TMPRSS11D: variants seen among roughly 807,000 people sequenced by gnomAD.
The protein encoded by TMPRSS11D is transmembrane serine protease 11D, also known as transmembrane protease serine 11D.
Under a neutral mutation model 44.4 loss-of-function variants are expected in TMPRSS11D, and 32 were observed. The ratio of observed to expected loss-of-function variants is 0.72; its 90% CI spans 0.54 to 0.97. TMPRSS11D has a LOEUF of 0.97. Among genes scored for constraint, TMPRSS11D ranks in the 50% least tolerant of loss-of-function variants. The probability of loss-of-function intolerance (pLI) is 0.00; values close to 1 mark genes in which losing one functional copy is unlikely to be tolerated. For missense variants in TMPRSS11D, 446 were observed against 502.6 expected (o/e 0.89, Z 1.08); for synonymous variants, 179 against 177.9 (o/e 1.01, Z -0.05).
chr4:67,830,768 G>C (rs995474183), intron 7 of TMPRSS11D, among the ~76,000 whole-genome samples: 1 of 151,762 alleles, frequency 6.6e-6, no homozygotes, highest in Admixed American at 6.6e-5. Context: ...GTGAATTAGA[G>C]CATCATTTTG....
At chr4:67,824,950 T>A (rs1717756166) in intron 9 of TMPRSS11D, among the ~76,000 whole-genome samples, 1 of 152,150 alleles carries the variant, frequency 6.6e-6, no homozygotes, top group Non-Finnish European at 1.5e-5. Context: ...ATCAATTATG[T>A]TTAGATAATT....
At chr4:67,871,926 C>A (rs17088739) in intron 1 of TMPRSS11D, among the ~76,000 whole-genome samples, 6,962 of 152,134 alleles carry the variant, frequency 0.046, 377 homozygotes, top group African/African-American at 0.14. Flanking sequence ...GTGTTGGGAG[C>A]AATACTTTGT....
intron 2 of TMPRSS11D, among the ~76,000 whole-genome samples, chr4:67,856,665 C>T (rs1718642666): frequency 6.6e-6 from 1 of 151,798 alleles, no homozygotes; most frequent in African/African-American, 2.4e-5. Flanking sequence ...TTCTGCACAG[C>T]AAAGGAAACA....
chr4:67,831,878 T>C (rs1717953702), intron 7 of TMPRSS11D, among the ~76,000 whole-genome samples: 1 of 152,172 alleles, frequency 6.6e-6, no homozygotes, highest in Admixed American at 6.6e-5. Flanking sequence ...TTTGAAATAA[T>C]TTGGGATTTC....
intron 7 of TMPRSS11D, 71 bp downstream of exon 7, chr4:67,833,133 G>A: frequency 7.9e-7 from 1 of 1,262,494 alleles, no homozygotes; most frequent in Non-Finnish European, 1.0e-6. Context: ...TCAATCCTAG[G>A]GTAGAGGGTG....
At chr4:67,839,582 T>C (rs1467468480) in intron 4 of TMPRSS11D, among the ~76,000 whole-genome samples, 2 of 152,000 alleles carry the variant, frequency 1.3e-5, no homozygotes, top group African/African-American at 4.8e-5. Context: ...AAATAGGAAG[T>C]TGAACTTGAG....
At chr4:67,853,299 G>A (rs1343185855) in intron 3 of TMPRSS11D, among the ~76,000 whole-genome samples, 1 of 152,130 alleles carries the variant, frequency 6.6e-6, no homozygotes, top group Admixed American at 6.6e-5. Context: ...AGCACCAAGG[G>A]ATTAAAAGCC....
chr4:67,878,869 T>C (rs1719255692), intron 1 of TMPRSS11D, among the ~76,000 whole-genome samples: 2 of 152,038 alleles, frequency 1.3e-5, no homozygotes, highest in South Asian at 4.2e-4. Flanking sequence ...GAGGTCGCAG[T>C]GAGCCGAGAT....
intron 1 of TMPRSS11D, among the ~76,000 whole-genome samples, chr4:67,872,890 T>G (rs1016334512): frequency 2.0e-5 from 3 of 152,222 alleles, no homozygotes; most frequent in Non-Finnish European, 4.4e-5. Context: ...GATTTACTTC[T>G]TATACAATTT....
chr4:67,863,986 A>G (rs1390082740), intron 1 of TMPRSS11D, among the ~76,000 whole-genome samples: 2 of 152,030 alleles, frequency 1.3e-5, no homozygotes, highest in Non-Finnish European at 2.9e-5. Context: ...CAGTTATTGT[A>G]CAGTATATGT....
At chr4:67,829,611 A>G (rs1717895496) in intron 7 of TMPRSS11D, among the ~76,000 whole-genome samples, 1 of 152,012 alleles carries the variant, frequency 6.6e-6, no homozygotes, top group Admixed American at 6.6e-5. Context: ...ATGGGAAAAT[A>G]TTGGTAATGT....
At chr4:67,867,427 AT>A (rs1456686973) in intron 1 of TMPRSS11D, among the ~76,000 whole-genome samples, 1 of 152,094 alleles carries the variant, frequency 6.6e-6, no homozygotes, top group Non-Finnish European at 1.5e-5. Context: ...TAGGCAAAGA[AT>A]TTATGACGAA....
intron 2 of TMPRSS11D, among the ~76,000 whole-genome samples, chr4:67,854,766 T>G (rs1317009884): frequency 2.6e-5 from 4 of 152,192 alleles, no homozygotes; most frequent in African/African-American, 9.7e-5. Context: ...TAAGATTGAA[T>G]CAGTAGTAAA....
intron 6 of TMPRSS11D, 88 bp from the exon 7 acceptor site, chr4:67,833,469 T>C: frequency 8.1e-7 from 1 of 1,231,916 alleles, no homozygotes; most frequent in Admixed American, 3.0e-5. Flanking sequence ...AATTTATGAC[T>C]TTTATGTCTT....
chr4:67,867,730 A>G (rs145650556), intron 1 of TMPRSS11D, among the ~76,000 whole-genome samples: 3 of 152,286 alleles, frequency 2.0e-5, no homozygotes, highest in African/African-American at 7.2e-5. Context: ...AAAAATGCTC[A>G]ATATCACTAA....
chr4:67,855,041 G>A (rs1367470778), intron 2 of TMPRSS11D, among the ~76,000 whole-genome samples: 1 of 152,120 alleles, frequency 6.6e-6, no homozygotes, highest in Non-Finnish European at 1.5e-5. Flanking sequence ...TGGATCACGA[G>A]GTCCGGAGTT....
At chr4:67,858,743 C>T (rs1718719337) in intron 2 of TMPRSS11D, among the ~76,000 whole-genome samples, 2 of 151,804 alleles carry the variant, frequency 1.3e-5, no homozygotes, top group South Asian at 2.1e-4. Context: ...TAAAAATAAC[C>T]TCAAAGTGTA....
intron 7 of TMPRSS11D, 119 bp downstream of exon 7, chr4:67,833,085 T>C: frequency 1.0e-6 from 1 of 1,002,906 alleles, no homozygotes; most frequent in Non-Finnish European, 1.3e-6. Flanking sequence ...AAGAAAATTC[T>C]TACTGATTTT....
Position 67,841,715 on chromosome 4 carries a change from T to C in TMPRSS11D, c.317+843A>G, listed in dbSNP as rs182158129. 4.7e-4 allele frequency among the ~76,000 whole-genome samples: 71 copies of C among 152,294 alleles called. 1 individual carries two copies. Among genetic ancestry groups the C allele is most frequent in the African/African-American group, 1.6e-3 (68 of 41,570 alleles). ...AAGTACTAAGTGAATGTGCACTGAA[T>C]TGACCGAAAGGTGTTTTGGAAAATA... On this transcript the variant is annotated intron_variant, in intron 4 of 9. Coordinates refer to ENST00000283916, the MANE Select transcript of TMPRSS11D (RefSeq NM_004262.3).
Sources: gnomAD v4.1 joint callset for allele counts (sites outside exome capture counted in the v4.1 genomes callset) on GRCh38, gnomAD v4.1.1 for gene constraint, MANE v1.5 for transcripts, NCBI Gene and HGNC (gene_info 2026-07-23, HGNC 2026-07-21) for gene names.